Variants in ABHD18 observed in about 807,000 individuals in gnomAD.
ABHD18 encodes cardiolipin-specific deacylase, mitochondrial.
A neutral mutation model predicts 65.9 loss-of-function variants in ABHD18; 55 were observed. The observed-to-expected ratio is 0.84, with a 90% confidence interval of 0.67 to 1.05. The LOEUF is 1.05. Ranked by LOEUF, ABHD18 falls within the 50% of genes least tolerant of loss-of-function variation. The pLI is 0.00. For synonymous variants in ABHD18, 181 were observed against 180.2 expected, an observed-to-expected ratio of 1.00 and a Z score of -0.04; for missense variants, 533 against 558.5, an observed-to-expected ratio of 0.95 and a Z score of 0.46.
At position 127,969,904 on chromosome 4, in the gene ABHD18, A is replaced by G. The variant is rs113588102; in HGVS notation, c.-18+4298A>G. ...TGGGACTACAGGTGTGCACCACCAC[A>G]CCTGGCTAGATTTCAAAATTTTTTT... On this transcript the variant is annotated intron_variant, in intron 1 of 12. Transcript: ENST00000645843. Among the ~76,000 whole-genome samples, 246 of 152,120 alleles carry G rather than the reference A, an allele frequency of 1.6e-3. 3 individuals carry two copies. The highest frequency in any genetic ancestry group is 5.4e-3 in the African/African-American group (223 of 41,482).
In ABHD18 at chr4:128,037,738, A is replaced by G. The variant is rs1264659389; in HGVS notation, c.*1925A>G. ...CAAATACTTAACAGCCTTGGCTTTT[A>G]ATTTCAAAATTTAATAGACACATAT... On this transcript the variant is annotated 3_prime_UTR_variant, in exon 13 of 13. Transcript: ENST00000645843. 3 of 152,128 alleles carry G rather than the reference A, an allele frequency of 2.0e-5. No individual in the cohort carries two copies. The highest frequency in any genetic ancestry group is 2.9e-5 in the Non-Finnish European group (2 of 68,034). The allele number at this position is 152,128 out of a possible 1,614,324, so 9.4% of individuals were successfully genotyped here.
At chr4:128,026,145 C>T (rs550278349) in intron 10 of ABHD18, among the ~76,000 whole-genome samples, 66 of 152,262 alleles carry the variant, frequency 4.3e-4, no homozygotes, top group African/African-American at 1.4e-3. Context: ...AAAAATTAGC[C>T]GGGCATGGTG....
chr4:128,004,854 G>C (rs1753327538), intron 4 of ABHD18, among the ~76,000 whole-genome samples: 1 of 151,960 alleles, frequency 6.6e-6, no homozygotes, highest in Non-Finnish European at 1.5e-5. Flanking sequence ...AGGTTGCAGT[G>C]AGCTGAGATT....
At chr4:128,001,100 C>G (rs1752562670) in intron 4 of ABHD18, among the ~76,000 whole-genome samples, 1 of 152,024 alleles carries the variant, frequency 6.6e-6, no homozygotes, top group Admixed American at 6.6e-5. Flanking sequence ...TGGTTGACTT[C>G]CTCTGTTTCT....
chr4:128,032,079 G>T (rs1291754910), intron 12 of ABHD18, among the ~76,000 whole-genome samples: 3 of 152,110 alleles, frequency 2.0e-5, no homozygotes, highest in Non-Finnish European at 4.4e-5. Context: ...TAGCTAAGAC[G>T]TATTAGGAAG....
chr4:128,011,020 A>G (rs111810295), intron 6 of ABHD18, among the ~76,000 whole-genome samples: 5 of 152,150 alleles, frequency 3.3e-5, no homozygotes, highest in South Asian at 4.1e-4. Flanking sequence ...TGGATTTTCT[A>G]TAATAAAAAT....
chr4:128,022,119 A>G (rs1756596284), intron 10 of ABHD18, among the ~76,000 whole-genome samples: 1 of 152,222 alleles, frequency 6.6e-6, no homozygotes, highest in East Asian at 1.9e-4. Flanking sequence ...TAGGAGATAT[A>G]CCTAATATAA....
rs1432219392 is a variant in ABHD18, at chr4:127,989,781, T to C, written c.238T>C (p.Tyr80His). Reference protein sequence around the residue: ...DGHFVSPMAHYVPDIMPIESV... With the variant: ...DGHFVSPMAHHVPDIMPIESV... ...ACACTTTGTTTCCCCCATGGCTCACTATGTGCCTGATATCATGCCAATTGA... is the reference window on the plus strand; with the variant it reads ...ACACTTTGTTTCCCCCATGGCTCACCATGTGCCTGATATCATGCCAATTGA... The change falls in exon 4 of 13, where the codon TAT (tyrosine) becomes CAT (histidine). Residue 80 changes from tyrosine to histidine, a missense_variant. Transcript: ENST00000645843. The C allele has an allele frequency of 6.9e-6, 11 of 1,602,308 alleles. No individual in the cohort carries two copies. The highest frequency in any genetic ancestry group is 1.7e-4 in the Middle Eastern group (1 of 6,026).
rs1261020424 is a variant in ABHD18, at chr4:128,037,733, C to T, written c.*1920C>T. 1 of 151,988 alleles carries T rather than the reference C, an allele frequency of 6.6e-6. No homozygotes were observed. The highest frequency in any genetic ancestry group is 1.5e-5 in the Non-Finnish European group (1 of 68,014). 9.4% of individuals were successfully genotyped at this position (151,988 alleles called of 1,614,324 possible). A position where few individuals can be genotyped will look rare whatever the true frequency, so the allele number is the denominator to read the frequency against. Reference sequence around the variant, plus strand: ...CTACCCAAATACTTAACAGCCTTGGCTTTTAATTTCAAAATTTAATAGACA... The same window carrying T: ...CTACCCAAATACTTAACAGCCTTGGTTTTTAATTTCAAAATTTAATAGACA... On this transcript the variant is annotated 3_prime_UTR_variant, in exon 13 of 13. Transcript: ENST00000645843.
Position 128,028,710 on chromosome 4 carries a change from C to G in ABHD18, c.1037C>G (p.Thr346Ser). 1 of 1,613,884 alleles carries G rather than the reference C, an allele frequency of 6.2e-7. No individual in the cohort carries two copies. The highest frequency in any genetic ancestry group is 1.1e-5 in the South Asian group (1 of 91,084). The change falls in exon 11 of 13, where the codon ACC becomes AGC. Residue 346 changes from threonine (T) to serine (S), a missense_variant. Physicochemically the swap from Thr to Ser is moderately conservative, Grantham distance 58. Around this residue, in one of 3 missense-constraint regions of ABHD18, gnomAD observed 220 missense variants for 226.8 expected, o/e 0.97. Coordinates refer to ENST00000645843, the MANE Select transcript of ABHD18 (RefSeq NM_001358451.3). ...AAGCGCTTCAATCAAACACTTTCAA[C>G]CAACAAAAGTGGTTATACAAGTCGC... ...KMKRFNQTLSTNKSGYTSRNP... is the reference protein window; with the variant it reads ...KMKRFNQTLSSNKSGYTSRNP...
chr4:128,018,842 C>T (rs1004093801), intron 8 of ABHD18, among the ~76,000 whole-genome samples: 15 of 151,608 alleles, frequency 9.9e-5, no homozygotes, highest in Non-Finnish European at 2.1e-4. Context: ...GGTGAAACCC[C>T]GTCTCTACTA....
chr4:128,010,133 A>T (rs1754280592), intron 6 of ABHD18, among the ~76,000 whole-genome samples: 1 of 152,236 alleles, frequency 6.6e-6, no homozygotes, highest in Non-Finnish European at 1.5e-5. Flanking sequence ...TAAATGATTA[A>T]TACTGTCTAG....
rs1034980334 is a variant in ABHD18 at position 127,997,660 on chromosome 4, A to T, written c.278+7839A>T. On this transcript the variant is annotated intron_variant, in intron 4 of 12. Transcript: ENST00000645843. ...TTGTCAAAGGCAACAAGTGATTAAG[A>T]AAAGCAGTGTACCACCTGGCGGCAG... 2.0e-5 allele frequency among the ~76,000 whole-genome samples: 3 copies of T among 152,330 alleles called. No homozygotes were observed. In the East Asian group the frequency reaches 5.8e-4, roughly 29 times the overall value.
intron 3 of ABHD18, among the ~76,000 whole-genome samples, chr4:127,984,683 C>G (rs1749656791): frequency 6.6e-6 from 1 of 151,996 alleles, no homozygotes; most frequent in African/African-American, 2.4e-5. Flanking sequence ...ATGGAGAAAC[C>G]CCGTCTCTGC....
In ABHD18 at chr4:127,985,185, A is replaced by C. The variant is rs182888750; in HGVS notation, c.177+762A>C. 1.4e-3 allele frequency among the ~76,000 whole-genome samples: 212 copies of C among 152,338 alleles called. 1 individual carries two copies. Among genetic ancestry groups the C allele is most frequent in the African/African-American group, 4.9e-3 (203 of 41,586 alleles). Reference sequence around the variant, plus strand: ...AATTCCTGAGAGAATGGTAGAAAGAAAATGCTATAAAATTAGAGAAGGCAA... The same window carrying C: ...AATTCCTGAGAGAATGGTAGAAAGACAATGCTATAAAATTAGAGAAGGCAA... On this transcript the variant is annotated intron_variant, in intron 3 of 12. Transcript: ENST00000645843.
chr4:128,028,711 C>A lies in ABHD18; in HGVS notation c.1038C>A (p.Thr346=), dbSNP rs1757749875. Residue 346 remains threonine, a synonymous_variant, in exon 11 of 13, where the codon ACC becomes ACA. Transcript: ENST00000645843. ...AGCGCTTCAATCAAACACTTTCAAC[C>A]AACAAAAGTGGTTATACAAGTCGCA... ...KMKRFNQTLS[T]NKSGYTSRNP... 1 of 1,613,894 alleles carries A rather than the reference C, an allele frequency of 6.2e-7. No homozygotes were observed. The highest frequency in any genetic ancestry group is 1.3e-5 in the African/African-American group (1 of 75,036).
chr4:128,019,226 T>C (rs988373636), intron 8 of ABHD18, among the ~76,000 whole-genome samples: 1 of 152,146 alleles, frequency 6.6e-6, no homozygotes, highest in Admixed American at 6.6e-5. Flanking sequence ...GTTACCTTCT[T>C]TGAATCACTT....
At position 127,965,468 on chromosome 4, in the gene ABHD18, C is replaced by T. The variant is rs1245506830; in HGVS notation, c.-156C>T. ...CCCTCCGTTTCTCCTTCCGCTGTAT[C>T]TAGCATTTCGGTTCCTGGAAAGGTT... is the stretch of plus-strand genomic sequence containing the variant. On this transcript the variant is annotated 5_prime_UTR_variant, in exon 1 of 13. Transcript: ENST00000645843. The T allele has an allele frequency of 1.1e-5, 5 of 459,106 alleles. No individual in the cohort carries two copies. The East Asian group carries it at 2.2e-4, about 20-fold the overall frequency. 28.4% of individuals were successfully genotyped at this position (459,106 alleles called of 1,614,324 possible). A position where few individuals can be genotyped will look rare whatever the true frequency, so the allele number is the denominator to read the frequency against.
chr4:127,989,666 C>G, intron 3 of ABHD18, 55 bp from the exon 4 acceptor site: 1 of 1,213,960 alleles, frequency 8.2e-7, no homozygotes, highest in Non-Finnish European at 1.1e-6. Context: ...ACATCCATGA[C>G]AGACCAAGAT....
Sources: allele counts gnomAD v4.1 joint callset (sites outside exome capture counted in the v4.1 genomes callset), GRCh38; gene constraint gnomAD v4.1.1; regional missense constraint gnomAD v4.1.1; transcripts MANE v1.5; gene names NCBI Gene and HGNC (gene_info 2026-07-23, HGNC 2026-07-21).